FHIT: variants seen among roughly 807,000 people sequenced by gnomAD.
FHIT encodes bis(5'-adenosyl)-triphosphatase.
A neutral mutation model predicts 17.9 loss-of-function variants in FHIT; 19 were observed. The ratio of observed to expected loss-of-function variants is 1.06; its 90% CI spans 0.74 to 1.56. The LOEUF (loss-of-function observed/expected upper bound fraction) is 1.56, where lower values mean the gene tolerates loss of function less well. Among genes scored for constraint, FHIT ranks in the 40% most tolerant of loss-of-function variants. FHIT has a pLI of 0.00. For synonymous variants in FHIT, 81 were observed against 69.7 expected (o/e 1.16, Z -0.81); for missense variants, 248 against 189.2 (o/e 1.31, Z -1.82).
rs116837184 is a variant in FHIT at position 60,937,329 on chromosome 3, C to T, written c.-111+104718G>A. Among the ~76,000 whole-genome samples the T allele has an allele frequency of 1.7e-3, 261 of 152,208 alleles. 1 individual carries two copies. The highest frequency in any genetic ancestry group is 5.9e-3 in the African/African-American group (247 of 41,534). ...TACTAGGAGAATATTTTCTCTTTAA[C>T]GAAGTAGTATCAGACACAGAGGGCT... On this transcript the variant is annotated intron_variant, in intron 3 of 9. Coordinates refer to ENST00000492590, the MANE Select transcript of FHIT (RefSeq NM_002012.4).
intron 8 of FHIT, among the ~76,000 whole-genome samples, chr3:59,865,728 T>A (rs1376550870): frequency 6.6e-6 from 1 of 152,202 alleles, no homozygotes; most frequent in Non-Finnish European, 1.5e-5. Flanking sequence ...CAGTGGGGCT[T>A]ACCAGCCAAG....
At chr3:59,942,702 G>A (rs1305622582) in intron 7 of FHIT, among the ~76,000 whole-genome samples, 1 of 152,102 alleles carries the variant, frequency 6.6e-6, no homozygotes, top group African/African-American at 2.4e-5. Context: ...AGGCTGGAGT[G>A]CAGTGGTGCA....
At chr3:60,898,135 C>T (rs1471427669) in intron 3 of FHIT, among the ~76,000 whole-genome samples, 1 of 152,118 alleles carries the variant, frequency 6.6e-6, no homozygotes, top group Non-Finnish European at 1.5e-5. Context: ...CTCTACTATA[C>T]TTGCTATTTT....
chr3:61,060,408 A>T (rs73838006), intron 2 of FHIT, among the ~76,000 whole-genome samples: 17,089 of 152,246 alleles, frequency 0.11, 1,093 homozygotes, highest in Middle Eastern at 0.22. Flanking sequence ...ACCCAAAACC[A>T]TAATGAGCTA....
chr3:60,009,056 A>T (rs1700029170), intron 7 of FHIT, among the ~76,000 whole-genome samples: 1 of 152,184 alleles, frequency 6.6e-6, no homozygotes, highest in Non-Finnish European at 1.5e-5. Flanking sequence ...GTTAATTTTC[A>T]TGCAGGTGAT....
chr3:60,752,869 T>G (rs546915511), intron 4 of FHIT, among the ~76,000 whole-genome samples: 1 of 152,278 alleles, frequency 6.6e-6, no homozygotes, highest in South Asian at 2.1e-4. Flanking sequence ...CTGAAAAAAA[T>G]ACAAACTGTA....
intron 3 of FHIT, among the ~76,000 whole-genome samples, chr3:60,834,895 A>C (rs1348782222): frequency 6.6e-6 from 1 of 151,822 alleles, no homozygotes; most frequent in African/African-American, 2.4e-5. Context: ...AAAAAAAAAA[A>C]AAACTCTTTC....
intron 3 of FHIT, among the ~76,000 whole-genome samples, chr3:60,898,679 C>T (rs1200801253): frequency 6.6e-6 from 1 of 152,174 alleles, no homozygotes; most frequent in Non-Finnish European, 1.5e-5. Context: ...CCATTTCACT[C>T]AGAGAAGAAC....
chr3:60,663,770 C>T (rs1329243205), intron 4 of FHIT, among the ~76,000 whole-genome samples: 1 of 152,104 alleles, frequency 6.6e-6, no homozygotes, highest in African/African-American at 2.4e-5. Flanking sequence ...TTCTTTGGAA[C>T]TATTGTAATT....
intron 5 of FHIT, among the ~76,000 whole-genome samples, chr3:60,400,858 T>C (rs935211831): frequency 2.0e-5 from 3 of 152,166 alleles, no homozygotes; most frequent in African/African-American, 7.2e-5. Flanking sequence ...AAAAACAAAA[T>C]TGAATTAGCT....
chr3:61,128,203 A>G (rs1040112717), intron 2 of FHIT, among the ~76,000 whole-genome samples: 1 of 152,212 alleles, frequency 6.6e-6, no homozygotes. Context: ...CTGAAAACAT[A>G]AAGACCACAT....
intron 5 of FHIT, among the ~76,000 whole-genome samples, chr3:60,257,963 A>T (rs1162764767): frequency 6.6e-6 from 1 of 151,962 alleles, no homozygotes; most frequent in African/African-American, 2.4e-5. Context: ...TACCTGGGTG[A>T]TGGGTTGATC....
At chr3:60,258,630 T>C (rs1393486803) in intron 5 of FHIT, among the ~76,000 whole-genome samples, 3 of 152,086 alleles carry the variant, frequency 2.0e-5, no homozygotes, top group Non-Finnish European at 4.4e-5. Context: ...GAGGCACCTA[T>C]AACAAAAGGT....
intron 8 of FHIT, among the ~76,000 whole-genome samples, chr3:59,922,017 T>G (rs1705429503): frequency 6.6e-6 from 1 of 152,206 alleles, no homozygotes; most frequent in Admixed American, 6.5e-5. Context: ...TGATTTCCAG[T>G]GGTAGCACTG....
chr3:60,214,034 G>C (rs1256165239), intron 5 of FHIT, among the ~76,000 whole-genome samples: 1 of 152,136 alleles, frequency 6.6e-6, no homozygotes, highest in Non-Finnish European at 1.5e-5. Context: ...ATAATCTCAT[G>C]TAATAAGAGG....
intron 4 of FHIT, among the ~76,000 whole-genome samples, chr3:60,744,398 T>C (rs541986570): frequency 2.6e-4 from 39 of 152,114 alleles, no homozygotes; most frequent in African/African-American, 9.2e-4. Flanking sequence ...GGGGAACTAA[T>C]TGGGATGGAT....
intron 5 of FHIT, among the ~76,000 whole-genome samples, chr3:60,274,148 T>C (rs770986511): frequency 6.6e-6 from 1 of 152,188 alleles, no homozygotes; most frequent in African/African-American, 2.4e-5. Context: ...TGAAAGTTCA[T>C]CTTATACAGG....
At position 60,569,748 on chromosome 3, in the gene FHIT, TATA is replaced by T. The variant is rs1559547714; in HGVS notation, c.-17-32772_-17-32770del. 2.6e-3 allele frequency among the ~76,000 whole-genome samples: 188 copies of T among 72,750 alleles called. 3 individuals carry two copies. Among genetic ancestry groups the T allele is most frequent in the Middle Eastern group, 8.1e-3 (1 of 124 alleles). The allele number at this position is 72,750 out of a possible 152,430, so 47.7% of individuals were successfully genotyped here. On this transcript the variant is annotated intron_variant, in intron 4 of 9. Coordinates refer to ENST00000492590, the MANE Select transcript of FHIT (RefSeq NM_002012.4). ...TACTATATATATATATATATATATA[TATA>T]TATATTTTTTTTTTTTTTAGACAGA...
At chr3:60,963,396 A>G (rs1288002127) in intron 3 of FHIT, among the ~76,000 whole-genome samples, 1 of 152,038 alleles carries the variant, frequency 6.6e-6, no homozygotes, top group Admixed American at 6.6e-5. Flanking sequence ...GGATTCACTG[A>G]TTTTTTGAAG....
Sources: gnomAD v4.1 joint callset for allele counts (sites outside exome capture counted in the v4.1 genomes callset) on GRCh38, gnomAD v4.1.1 for gene constraint, MANE v1.5 for transcripts, NCBI Gene and HGNC (gene_info 2026-07-23, HGNC 2026-07-21) for gene names.